The following MCTP2 variants were observed in gnomAD, a reference collection of about 807,000 sequenced individuals.
The protein encoded by MCTP2 is multiple C2 and transmembrane domain containing 2.
Under a neutral mutation model 111.6 loss-of-function variants are expected in MCTP2, and 132 were observed. That is an observed-to-expected ratio of 1.18 (90% confidence interval 1.03 to 1.37). The LOEUF is 1.37. Among genes scored for constraint, MCTP2 ranks in the 40% most tolerant of loss-of-function variants. MCTP2 has a pLI of 0.00. For missense variants in MCTP2, 1,183 were observed against 1,067.9 expected (o/e 1.11, Z -1.50); for synonymous variants, 395 against 387.7 (o/e 1.02, Z -0.22).
chr15:94,289,681 A>G (rs1306705439), intron 1 of MCTP2, among the ~76,000 whole-genome samples: 1 of 152,224 alleles, frequency 6.6e-6, no homozygotes, highest in Admixed American at 6.5e-5. Context: ...CACTGTATTT[A>G]GATGTAATAT....
intron 17 of MCTP2, among the ~76,000 whole-genome samples, chr15:94,408,521 A>G (rs1369021713): frequency 6.6e-6 from 1 of 152,172 alleles, no homozygotes; most frequent in Non-Finnish European, 1.5e-5. Context: ...CACTTTTTTA[A>G]AATAGGAACA....
At chr15:94,478,220 C>T (rs1475932265) in intron 22 of MCTP2, among the ~76,000 whole-genome samples, 2 of 152,330 alleles carry the variant, frequency 1.3e-5, no homozygotes, top group Non-Finnish European at 2.9e-5. Flanking sequence ...AAATTTCCCT[C>T]AAGCCCCCAA....
intron 17 of MCTP2, among the ~76,000 whole-genome samples, chr15:94,420,236 T>C (rs2082561269): frequency 6.6e-6 from 1 of 152,172 alleles, no homozygotes; most frequent in Non-Finnish European, 1.5e-5. Context: ...AAAATATCAC[T>C]GCTCATCGAA....
chr15:94,425,190 C>T (rs2082822727), intron 17 of MCTP2, among the ~76,000 whole-genome samples: 1 of 152,064 alleles, frequency 6.6e-6, no homozygotes, highest in Admixed American at 6.6e-5. Context: ...ATCCAAATGA[C>T]TTGGTATCAC....
chr15:94,481,695 T>G lies in MCTP2; in HGVS notation c.*2661T>G, dbSNP rs1218059747. ...ACTTCCTTTTTTGTACCATCACATC[T>G]TTCATATCTTTCTGGCATCTGCCAT... On this transcript the variant is annotated 3_prime_UTR_variant, in exon 23 of 23. Transcript: ENST00000357742. 1 of 152,316 alleles carries G rather than the reference T, an allele frequency of 6.6e-6. No homozygotes were observed. Among genetic ancestry groups the G allele is most frequent in the Non-Finnish European group, 1.5e-5 (1 of 68,080 alleles). The allele number at this position is 152,316 out of a possible 1,614,324, so 9.4% of individuals were successfully genotyped here.
chr15:94,240,276 A>C (rs1378254759), intron 1 of MCTP2, among the ~76,000 whole-genome samples: 1 of 152,166 alleles, frequency 6.6e-6, no homozygotes, highest in Non-Finnish European at 1.5e-5. Context: ...TGAAGGGAAC[A>C]CTGAGACTCA....
chr15:94,434,857 C>CTTTCT (rs796246208), intron 17 of MCTP2, among the ~76,000 whole-genome samples: 2 of 139,052 alleles, frequency 1.4e-5, no homozygotes, highest in African/African-American at 5.4e-5. Context: ...TTCTTTCTTT[C>CTTTCT]TTTTTTTTTT....
At chr15:94,446,768 G>A (rs2084141607) in intron 19 of MCTP2, among the ~76,000 whole-genome samples, 3 of 152,240 alleles carry the variant, frequency 2.0e-5, no homozygotes, top group Middle Eastern at 3.4e-3. Context: ...ATTGTGGGTT[G>A]GTTTGTTCAT....
At chr15:94,243,294 C>CGT (rs1567250710) in intron 1 of MCTP2, among the ~76,000 whole-genome samples, 5 of 146,088 alleles carry the variant, frequency 3.4e-5, no homozygotes, top group African/African-American at 1.3e-4. Flanking sequence ...TGCGTATATG[C>CGT]ATATATACAT....
intron 14 of MCTP2, among the ~76,000 whole-genome samples, chr15:94,388,095 C>T (rs901932945): frequency 2.0e-5 from 3 of 152,186 alleles, no homozygotes; most frequent in African/African-American, 7.2e-5. Flanking sequence ...AGTACTTTGG[C>T]ATTTTCATCG....
chr15:94,398,913 A>T, intron 14 of MCTP2, 48 bp from the exon 15 acceptor site: 1 of 1,158,770 alleles, frequency 8.6e-7, no homozygotes. Context: ...ACTTTAAACC[A>T]CATAGTAATT....
intron 20 of MCTP2, among the ~76,000 whole-genome samples, chr15:94,468,044 C>A (rs1452136879): frequency 1.3e-5 from 2 of 151,504 alleles, no homozygotes; most frequent in Admixed American, 1.3e-4. Flanking sequence ...TAAATTTGTT[C>A]ATGCGAAAGT....
chr15:94,243,810 C>T (rs1423066270), intron 1 of MCTP2, among the ~76,000 whole-genome samples: 2 of 145,044 alleles, frequency 1.4e-5, no homozygotes, highest in African/African-American at 2.5e-5. Context: ...TGCGTATATA[C>T]ATATATGTAT....
chr15:94,421,439 T>C (rs1028515542), intron 17 of MCTP2, among the ~76,000 whole-genome samples: 1 of 152,200 alleles, frequency 6.6e-6, no homozygotes, highest in Non-Finnish European at 1.5e-5. Context: ...TGTATTATCT[T>C]ACAGTGCTGG....
At chr15:94,274,208 A>T (rs2074063736) in intron 1 of MCTP2, among the ~76,000 whole-genome samples, 2 of 149,156 alleles carry the variant, frequency 1.3e-5, no homozygotes, top group Non-Finnish European at 3.0e-5. Context: ...CAGGAAATAT[A>T]CTGAACTGAA....
intron 1 of MCTP2, among the ~76,000 whole-genome samples, chr15:94,243,508 C>T (rs371352506): frequency 1.5e-5 from 2 of 137,300 alleles, no homozygotes; most frequent in Non-Finnish European, 1.6e-5. Context: ...CATATGTATG[C>T]GTATATGCGT....
At chr15:94,381,101 T>C (rs78898100) in intron 12 of MCTP2, among the ~76,000 whole-genome samples, 3,335 of 152,310 alleles carry the variant, frequency 0.022, 111 homozygotes, top group African/African-American at 0.075. Flanking sequence ...CTCAAATGTA[T>C]GTATGTCAGT....
intron 1 of MCTP2, among the ~76,000 whole-genome samples, chr15:94,234,880 C>CT (rs1227229028): frequency 2.6e-5 from 4 of 152,112 alleles, no homozygotes; most frequent in Admixed American, 6.6e-5. Flanking sequence ...TGGAGGGTTC[C>CT]TGATGGCTTG....
intron 1 of MCTP2, among the ~76,000 whole-genome samples, chr15:94,296,437 G>A (rs1289556907): frequency 3.3e-5 from 5 of 152,116 alleles, no homozygotes; most frequent in Non-Finnish European, 7.3e-5. Flanking sequence ...TCCATACCTA[G>A]CACTGTTCTA....
Sources: gnomAD v4.1 joint callset for allele counts (sites outside exome capture counted in the v4.1 genomes callset) on GRCh38, gnomAD v4.1.1 for gene constraint, MANE v1.5 for transcripts, NCBI Gene and HGNC (gene_info 2026-07-23, HGNC 2026-07-21) for gene names.